The following TBX3 variants were observed in gnomAD, a reference collection of about 807,000 sequenced individuals.
The protein encoded by TBX3 is T-box transcription factor TBX3.
A neutral mutation model predicts 47.8 loss-of-function variants in TBX3; 11 were observed. That is an observed-to-expected ratio of 0.23 (90% confidence interval 0.14 to 0.38). TBX3 has a LOEUF of 0.38. Among genes scored for constraint, TBX3 ranks in the 10% least tolerant of loss-of-function variants. The pLI, the probability that TBX3 is intolerant of heterozygous loss-of-function variation, is 1.00. For synonymous variants in TBX3, 500 were observed against 449.3 expected, an observed-to-expected ratio of 1.11 and a Z score of -1.43; for missense variants, 927 against 1,022.8, an observed-to-expected ratio of 0.91 and a Z score of 1.28.
chr12:114,672,690 T>C (rs1868503460), intron 6 of TBX3, among the ~76,000 whole-genome samples: 1 of 152,058 alleles, frequency 6.6e-6, no homozygotes, highest in Middle Eastern at 3.2e-3. Context: ...GAAATCTCCT[T>C]GCACCTGTTA....
chr12:114,680,841 G>A (rs750844131), intron 2 of TBX3, 38 bp downstream of exon 2: 29 of 1,613,944 alleles, frequency 1.8e-5, no homozygotes, highest in Non-Finnish European at 2.5e-5. Flanking sequence ...CTGAGTGAAG[G>A]AGGAGAAAAT....
At chr12:114,678,437 A>G (rs762096772) in intron 3 of TBX3, among the ~76,000 whole-genome samples, 6 of 152,126 alleles carry the variant, frequency 3.9e-5, no homozygotes, top group Non-Finnish European at 4.4e-5. Flanking sequence ...ATATACACAG[A>G]GTTACTCAGA....
In TBX3 at chr12:114,674,763, T is replaced by C. The variant is rs1477407647; in HGVS notation, c.1112A>G (p.Asp371Gly). The C allele has an allele frequency of 3.1e-6, 5 of 1,588,356 alleles. No individual in the cohort carries two copies. The highest frequency in any genetic ancestry group is 1.1e-5 in the South Asian group (1 of 88,168). The part of the protein sequence containing the change: ...SKEEHGPEAC[D>G]AAKISTTTSE... The stretch of plus-strand genomic sequence containing the variant: ...CGTGGTGGTGGAGATCTTGGCCGCG[T>C]CGCAGGCCTCGGGGCCATGCTCCTC... The change falls in exon 6 of 7, where the codon GAC becomes GGC. Residue 371 changes from aspartate (D) to glycine (G), a missense_variant. Physicochemically the swap from Asp to Gly is moderately conservative, Grantham distance 94. Coordinates refer to ENST00000349155, the MANE Select transcript of TBX3 (RefSeq NM_005996.4).
Position 114,674,509 on chromosome 12 carries a change from T to C in TBX3, c.1366A>G (p.Lys456Glu). The part of the protein sequence containing the change: ...KVEEARALPG[K>E]EAFAPLTVQT... Reference sequence around the variant, plus strand: ...ACCGTGAGCGGCGCGAAGGCCTCCTTGCCCGGGAGCGCGCGCGCCTCTTCC... The same window carrying C: ...ACCGTGAGCGGCGCGAAGGCCTCCTCGCCCGGGAGCGCGCGCGCCTCTTCC... Residue 456 changes from lysine to glutamate, a missense_variant, in exon 6 of 7, where the codon AAG becomes GAG. Physicochemically the swap from Lys to Glu is moderately conservative, Grantham distance 56 (BLOSUM62 1). Around this residue, in one of 5 missense-constraint regions of TBX3, gnomAD observed 623 missense variants for 569.0 expected, o/e 1.09. Coordinates refer to ENST00000349155, the MANE Select transcript of TBX3 (RefSeq NM_005996.4). The C allele has an allele frequency of 6.6e-7, 1 of 1,512,158 alleles. No homozygotes were observed. Among genetic ancestry groups the C allele is most frequent in the Non-Finnish European group, 8.8e-7 (1 of 1,134,230 alleles). The allele number at this position is 1,512,158 out of a possible 1,614,324, so 93.7% of individuals were successfully genotyped here. A position where few individuals can be genotyped will look rare whatever the true frequency, so the allele number is the denominator to read the frequency against.
chr12:114,681,096 G>T lies in TBX3; in HGVS notation c.440C>A (p.Ala147Asp), dbSNP rs1312105333. ...AATGTCCATCAATAAAATGTATTTG[G>T]CTTTTTTATCCAGCCCAGAACATCT... ...KVRCSGLDKK[A>D]KYILLMDIIA... The change falls in exon 2 of 7, where the codon GCC (alanine) becomes GAC (aspartate). Residue 147 changes from alanine to aspartate, a missense_variant. Around this residue, in one of 5 missense-constraint regions of TBX3, gnomAD observed 216 missense variants for 281.2 expected, o/e 0.77. Coordinates refer to ENST00000349155, the MANE Select transcript of TBX3 (RefSeq NM_005996.4). 6.2e-7 allele frequency: 1 copy of T among 1,613,748 alleles called. No individual in the cohort carries two copies. Among genetic ancestry groups the T allele is most frequent in the Non-Finnish European group, 8.5e-7 (1 of 1,179,994 alleles).
rs556778116 is a variant in TBX3 at position 114,671,614 on chromosome 12, C to CTGA, written c.*226_*227insTCA. On this transcript the variant is annotated 3_prime_UTR_variant, in exon 7 of 7. Coordinates refer to ENST00000349155, the MANE Select transcript of TBX3 (RefSeq NM_005996.4). Reference sequence around the variant, plus strand: ...ACCCCCAGTAGCTCAATGCAACCGACGTTTCTGAGCCCCCAGAATCTGATC... The same window carrying CTGA: ...ACCCCCAGTAGCTCAATGCAACCGACTGAGTTTCTGAGCCCCCAGAATCTGATC... 5.4e-4 allele frequency: 334 copies of CTGA among 614,094 alleles called. 5 individuals are homozygous for CTGA. The South Asian group carries it at 5.8e-3, about 11-fold the overall frequency. 38.0% of individuals were successfully genotyped at this position (614,094 alleles called of 1,614,324 possible). A position where few individuals can be genotyped will look rare whatever the true frequency, so the allele number is the denominator to read the frequency against.
chr12:114,674,493 G>C lies in TBX3; in HGVS notation c.1382C>G (p.Pro461Arg), dbSNP rs772493303. ...GGCCGCGTCCGTCTGCACCGTGAGCGGCGCGAAGGCCTCCTTGCCCGGGAG... is the reference window on the plus strand; with the variant it reads ...GGCCGCGTCCGTCTGCACCGTGAGCCGCGCGAAGGCCTCCTTGCCCGGGAG... ...RALPGKEAFA[P>R]LTVQTDAAAA... The change falls in exon 6 of 7, where the codon CCG becomes CGG. Residue 461 changes from proline (P) to arginine (R), a missense_variant. Pro to Arg is a moderately radical substitution (Grantham distance 103). Around this residue, in one of 5 missense-constraint regions of TBX3, gnomAD observed 623 missense variants for 569.0 expected, o/e 1.09. Transcript: ENST00000349155. 3 of 1,517,034 alleles carry C rather than the reference G, an allele frequency of 2.0e-6. No individual in the cohort carries two copies. Among genetic ancestry groups the C allele is most frequent in the African/African-American group, 1.4e-5 (1 of 71,334 alleles). 94.0% of individuals were successfully genotyped at this position (1,517,034 alleles called of 1,614,324 possible). A position where few individuals can be genotyped will look rare whatever the true frequency, so the allele number is the denominator to read the frequency against.
rs1868388931 is a variant in TBX3 at position 114,670,878 on chromosome 12, C to T, written c.*963G>A. On this transcript the variant is annotated 3_prime_UTR_variant, in exon 7 of 7. Transcript: ENST00000349155. ...TGTCAATAAATTAAAGTTTAATTTT[C>T]CAAGCATTCATATTCCACCTATTTA... is the stretch of plus-strand genomic sequence containing the variant. 1 of 214,902 alleles carries T rather than the reference C, an allele frequency of 4.7e-6. No individual in the cohort carries two copies. The highest frequency in any genetic ancestry group is 7.2e-5 in the East Asian group (1 of 13,976). 13.3% of individuals were successfully genotyped at this position (214,902 alleles called of 1,614,324 possible).
chr12:114,674,894 C>G, intron 5 of TBX3, 59 bp from the exon 6 acceptor site: 1 of 1,535,646 alleles, frequency 6.5e-7, no homozygotes, highest in Admixed American at 2.0e-5. Context: ...TATGAGCCAA[C>G]GGAACTCCAG....
intron 3 of TBX3, among the ~76,000 whole-genome samples, chr12:114,678,400 C>G (rs946157916): frequency 6.6e-6 from 1 of 152,148 alleles, no homozygotes; most frequent in Non-Finnish European, 1.5e-5. Flanking sequence ...CTTTCAAATC[C>G]CTTCCCCTTG....
rs2121375390 is a variant in TBX3 at position 114,671,992 on chromosome 12, C to A, written c.2021G>T (p.Ser674Ile). Residue 674 changes from serine to isoleucine, a missense_variant, in exon 7 of 7, where the codon AGC becomes ATC. Coordinates refer to ENST00000349155, the MANE Select transcript of TBX3 (RefSeq NM_005996.4). Reference sequence around the variant, plus strand: ...GCTGGAGGAGAGCGTGGAGGAGCGGCTGTTGAGTTCAGAGCCCGAGTCCAC... The same window carrying A: ...GCTGGAGGAGAGCGTGGAGGAGCGGATGTTGAGTTCAGAGCCCGAGTCCAC... ...VAVDSGSELN[S>I]RSSTLSSSSM... 1 of 1,600,654 alleles carries A rather than the reference C, an allele frequency of 6.2e-7. No homozygotes were observed. The highest frequency in any genetic ancestry group is 1.7e-5 in the Admixed American group (1 of 58,396).
In TBX3 at chr12:114,676,304, A is replaced by G. The variant is rs547912875; in HGVS notation, c.1039+9T>C. ...GGAGTCCAGTGATCACAAAGGTGAC[A>G]TGGTTTACCTTTGAGGTTCGATGTC... On this transcript the variant is annotated intron_variant, in intron 5 of 6. Coordinates refer to ENST00000349155, the MANE Select transcript of TBX3 (RefSeq NM_005996.4). 2 of 1,613,424 alleles carry G rather than the reference A, an allele frequency of 1.2e-6. No individual in the cohort carries two copies. Among genetic ancestry groups the G allele is most frequent in the African/African-American group, 2.7e-5 (2 of 75,026 alleles).
In TBX3 at chr12:114,674,224, A is replaced by C; in HGVS notation, c.1651T>G (p.Ser551Ala). The C allele has an allele frequency of 6.3e-7, 1 of 1,577,980 alleles. No individual in the cohort carries two copies. The highest frequency in any genetic ancestry group is 8.6e-7 in the Non-Finnish European group (1 of 1,162,846). Residue 551 changes from serine (S) to alanine (A), a missense_variant, in exon 6 of 7, where the codon TCC (serine) becomes GCC (alanine). This residue lies in a region of TBX3 where 623 missense variants were observed against 569.0 expected (regional missense o/e 1.09). Transcript: ENST00000349155. ...GGCAGGGTGGCCGCGGACGCCCCGG[A>C]CAGTCCCTGCGCCGCAGCGGCAGAG... Reference protein sequence around the residue: ...MASAAAAQGLSGASAATLPFH... With the variant: ...MASAAAAQGLAGASAATLPFH...
chr12:114,674,911 A>G, intron 5 of TBX3, 76 bp from the exon 6 acceptor site: 1 of 1,525,096 alleles, frequency 6.6e-7, no homozygotes, highest in Middle Eastern at 1.7e-4. Context: ...CCAGTTCCCA[A>G]GTTGGAATCC....
At chr12:114,677,505 T>C (rs1216344915) in intron 4 of TBX3, 75 bp downstream of exon 4, 21 of 1,447,690 alleles carry the variant, frequency 1.5e-5, no homozygotes, top group Non-Finnish European at 1.3e-5. Context: ...TGCATCTCAC[T>C]TCTAACACTT....
At chr12:114,681,186 C>T in intron 1 of TBX3, 40 bp from the exon 2 acceptor site, 1 of 1,611,958 alleles carries the variant, frequency 6.2e-7, no homozygotes, top group Non-Finnish European at 8.5e-7. Context: ...GAAAGATAAA[C>T]CACCCGTAAT....
intron 2 of TBX3, chr12:114,680,194 T>G: frequency 1.7e-6 from 1 of 582,338 alleles, no homozygotes; most frequent in Middle Eastern, 4.2e-4. Flanking sequence ...TTCTGCTTAC[T>G]CCTTGCTTAT....
intron 1 of TBX3, among the ~76,000 whole-genome samples, chr12:114,682,028 T>C (rs1268349744): frequency 2.6e-5 from 4 of 151,982 alleles, no homozygotes; most frequent in South Asian, 4.1e-4. Flanking sequence ...CAGGCTTCAA[T>C]GCTATTACAA....
intron 1 of TBX3, among the ~76,000 whole-genome samples, chr12:114,682,238 C>T (rs1868962970): frequency 6.6e-6 from 1 of 152,110 alleles, no homozygotes; most frequent in Non-Finnish European, 1.5e-5. Context: ...CTGAACTCGC[C>T]CTTGGGTTAC....
Sources: gnomAD v4.1 joint callset for allele counts (sites outside exome capture counted in the v4.1 genomes callset) on GRCh38, gnomAD v4.1.1 for gene constraint, gnomAD v4.1.1 regional missense constraint, MANE v1.5 for transcripts, NCBI Gene and HGNC (gene_info 2026-07-23, HGNC 2026-07-21) for gene names.